Variants in SENP6 observed in about 807,000 individuals in gnomAD.
SENP6 encodes the protein SUMO specific peptidase 6, also known as sentrin-specific protease 6.
A neutral mutation model predicts 134.5 loss-of-function variants in SENP6; 41 were observed. The ratio of observed to expected loss-of-function variants is 0.30; its 90% CI spans 0.24 to 0.40. The LOEUF (loss-of-function observed/expected upper bound fraction) is 0.40. Ranked by LOEUF, SENP6 falls within the 10% of genes least tolerant of loss-of-function variation. SENP6 has a pLI of 1.00. For synonymous variants in SENP6, 395 were observed against 429.8 expected (o/e 0.92, Z 1.00); for missense variants, 1,248 against 1,312.5 (o/e 0.95, Z 0.76).
At chr6:75,690,900 G>T (rs1221621480) in intron 16 of SENP6, among the ~76,000 whole-genome samples, 1 of 151,446 alleles carries the variant, frequency 6.6e-6, no homozygotes, top group Non-Finnish European at 1.5e-5. Context: ...ATTTCACCTT[G>T]TTGGCCACGC....
intron 1 of SENP6, among the ~76,000 whole-genome samples, chr6:75,605,201 T>A (rs1005466876): frequency 1.3e-5 from 2 of 152,260 alleles, no homozygotes; most frequent in South Asian, 4.1e-4. Context: ...TATTACACTT[T>A]CTTTACTTTC....
At chr6:75,679,600 T>C (rs1773324882) in intron 16 of SENP6, 1 of 151,416 alleles carries the variant, frequency 6.6e-6, no homozygotes, top group Admixed American at 6.6e-5. Flanking sequence ...TCTTTGGAGG[T>C]TGGGAGATAT....
chr6:75,612,977 C>T (rs1420823732), intron 1 of SENP6, among the ~76,000 whole-genome samples: 5 of 152,006 alleles, frequency 3.3e-5, no homozygotes, highest in African/African-American at 4.8e-5. Flanking sequence ...AGCCGGGCAT[C>T]GTGGCATATG....
chr6:75,617,856 C>T (rs1181841018), intron 1 of SENP6, among the ~76,000 whole-genome samples: 1 of 152,116 alleles, frequency 6.6e-6, no homozygotes, highest in Non-Finnish European at 1.5e-5. Flanking sequence ...TTTTTCATAA[C>T]CTTGACAGTT....
intron 1 of SENP6, among the ~76,000 whole-genome samples, chr6:75,620,277 C>T (rs1582683340): frequency 6.6e-6 from 1 of 152,098 alleles, no homozygotes; most frequent in Admixed American, 6.5e-5. Context: ...AGTTAATTGT[C>T]ATCTCTTATG....
chr6:75,709,584 T>G lies in SENP6; in HGVS notation c.2774T>G (p.Met925Arg), dbSNP rs765443762. 11 of 1,614,002 alleles carry G rather than the reference T, an allele frequency of 6.8e-6. No homozygotes were observed. Among genetic ancestry groups the G allele is most frequent in the Non-Finnish European group, 9.3e-6 (11 of 1,179,958 alleles). ...GATGAATCACCTGAAGCTGGTAAAA[T>G]GCTTGAAGATGAACTCGTCGACTTC... ...YSDESPEAGK[M>R]LEDELVDFSE... The change falls in exon 20 of 24, where the codon ATG (methionine) becomes AGG (arginine). Residue 925 changes from methionine (M) to arginine (R), a missense_variant. Transcript: ENST00000447266.
chr6:75,614,546 G>C (rs578196233), intron 1 of SENP6, among the ~76,000 whole-genome samples: 3 of 152,020 alleles, frequency 2.0e-5, no homozygotes, highest in Non-Finnish European at 4.4e-5. Context: ...GATTACAGGC[G>C]TGAGCCACTG....
intron 17 of SENP6, 99 bp from the exon 18 acceptor site, chr6:75,697,326 G>A: frequency 6.3e-6 from 5 of 797,956 alleles, no homozygotes; most frequent in Non-Finnish European, 9.8e-6. Flanking sequence ...GCAACTGTTT[G>A]AGCTATTACA....
intron 19 of SENP6, among the ~76,000 whole-genome samples, chr6:75,708,906 T>C (rs1039587891): frequency 2.6e-5 from 4 of 152,012 alleles, no homozygotes; most frequent in African/African-American, 9.7e-5. Context: ...AAAATAAAAA[T>C]AAATAAATAA....
Position 75,602,580 on chromosome 6 carries a change from C to G in SENP6, c.52+4C>G. On this transcript the variant is annotated splice_donor_region_variant and intron_variant, in intron 1 of 23. Transcript: ENST00000447266. ...GGGGAGATTACTTTTCTGGAAGGTA[C>G]GTCTGTTTCTGCCCTTGACGGGGAG... is the stretch of plus-strand genomic sequence containing the variant. The G allele has an allele frequency of 6.4e-7, 1 of 1,551,216 alleles. No homozygotes were observed. Among genetic ancestry groups the G allele is most frequent in the Non-Finnish European group, 8.7e-7 (1 of 1,146,684 alleles).
At chr6:75,617,093 G>C (rs979326899) in intron 1 of SENP6, among the ~76,000 whole-genome samples, 4 of 151,670 alleles carry the variant, frequency 2.6e-5, no homozygotes, top group African/African-American at 9.7e-5. Context: ...TGCCCAGGCT[G>C]GTCTCAAACT....
intron 23 of SENP6, 31 bp from the exon 24 acceptor site, chr6:75,715,354 T>C (rs780374073): frequency 1.4e-6 from 2 of 1,459,250 alleles, no homozygotes; most frequent in Non-Finnish European, 1.9e-6. Flanking sequence ...TTTATTACAG[T>C]TTTCTAATAC....
At chr6:75,608,755 A>G (rs549265193) in intron 1 of SENP6, among the ~76,000 whole-genome samples, 1 of 152,352 alleles carries the variant, frequency 6.6e-6, no homozygotes, top group African/African-American at 2.4e-5. Flanking sequence ...TAGTTACCTT[A>G]TAAGATTGCC....
intron 11 of SENP6, among the ~76,000 whole-genome samples, chr6:75,674,020 CAAAT>C (rs945296444): frequency 2.6e-5 from 4 of 151,818 alleles, no homozygotes; most frequent in Admixed American, 6.6e-5. Flanking sequence ...GACTCATTCT[CAAAT>C]AAATAAATGA....
intron 1 of SENP6, 23 bp from the exon 2 acceptor site, chr6:75,621,509 A>T: frequency 8.0e-7 from 1 of 1,254,866 alleles, no homozygotes; most frequent in Non-Finnish European, 1.2e-6. Context: ...ATGAATACTT[A>T]CTGCAGTTTG....
chr6:75,652,814 T>C (rs1286555106), intron 7 of SENP6, among the ~76,000 whole-genome samples: 1 of 152,118 alleles, frequency 6.6e-6, no homozygotes, highest in African/African-American at 2.4e-5. Context: ...TATCATTCTT[T>C]TAGTTTTTGC....
chr6:75,658,395 A>G (rs541091478), intron 7 of SENP6, among the ~76,000 whole-genome samples: 1 of 152,256 alleles, frequency 6.6e-6, no homozygotes, highest in South Asian at 2.1e-4. Flanking sequence ...AATATTAAAT[A>G]TAGGAAACTA....
chr6:75,705,670 AC>A (rs1460536127), intron 19 of SENP6, among the ~76,000 whole-genome samples: 1 of 151,918 alleles, frequency 6.6e-6, no homozygotes, highest in Non-Finnish European at 1.5e-5. Flanking sequence ...CTCCATAAAA[AC>A]CCATAACATG....
chr6:75,666,518 AT>A (rs1772257364), intron 9 of SENP6, among the ~76,000 whole-genome samples, 193 bp from the exon 10 acceptor site: 1 of 151,368 alleles, frequency 6.6e-6, no homozygotes, highest in Non-Finnish European at 1.5e-5. Context: ...CTTTCTTCAG[AT>A]TTAACTTTTT....
Sources: gnomAD v4.1 joint callset for allele counts (sites outside exome capture counted in the v4.1 genomes callset) on GRCh38, gnomAD v4.1.1 for gene constraint, MANE v1.5 for transcripts, NCBI Gene and HGNC (gene_info 2026-07-23, HGNC 2026-07-21) for gene names.